Variants in TMCC1 observed in about 807,000 individuals in gnomAD.
The protein encoded by TMCC1 is transmembrane and coiled-coil domains protein 1.
Under a neutral mutation model 52.4 loss-of-function variants are expected in TMCC1, and 15 were observed. The observed-to-expected ratio is 0.29, with a 90% CI of 0.19 to 0.44. The LOEUF is 0.44. Among genes scored for constraint, TMCC1 ranks in the 20% least tolerant of loss-of-function variants. The probability of loss-of-function intolerance (pLI) is 1.00; values close to 1 mark genes in which losing one functional copy is unlikely to be tolerated. For synonymous variants in TMCC1, 279 were observed against 301.9 expected (o/e 0.92, Z 0.79); for missense variants, 503 against 806.0 (o/e 0.62, Z 4.55).
At chr3:129,815,228 G>C (rs1258873694) in intron 4 of TMCC1, among the ~76,000 whole-genome samples, 1 of 151,876 alleles carries the variant, frequency 6.6e-6, no homozygotes, top group East Asian at 1.9e-4. Flanking sequence ...CTAGAAATAA[G>C]TAACATTCAC....
At chr3:129,751,750 A>C (rs1320904117) in intron 4 of TMCC1, among the ~76,000 whole-genome samples, 1 of 152,024 alleles carries the variant, frequency 6.6e-6, no homozygotes. Context: ...TAGGAGACAC[A>C]GGGTTTCACC....
At chr3:129,668,465 C>A (rs1388603770) in intron 5 of TMCC1, among the ~76,000 whole-genome samples, 1 of 152,006 alleles carries the variant, frequency 6.6e-6, no homozygotes. Flanking sequence ...AGAAACTTGC[C>A]CAGGTTTTCA....
At chr3:129,739,437 G>A (rs929899813) in intron 4 of TMCC1, among the ~76,000 whole-genome samples, 6 of 152,176 alleles carry the variant, frequency 3.9e-5, no homozygotes, top group Non-Finnish European at 8.8e-5. Flanking sequence ...AAAGTGCTGA[G>A]ATTGCGTGAG....
chr3:129,654,100 A>G (rs758551751), intron 6 of TMCC1, among the ~76,000 whole-genome samples: 9 of 152,134 alleles, frequency 5.9e-5, no homozygotes, highest in African/African-American at 9.7e-5. Context: ...ATTAATTCCA[A>G]AGTATTCAAG....
At chr3:129,860,601 ATTAT>A (rs2107929829) in intron 2 of TMCC1, among the ~76,000 whole-genome samples, 1 of 151,294 alleles carries the variant, frequency 6.6e-6, no homozygotes, top group African/African-American at 2.4e-5. Context: ...CAAACACATT[ATTAT>A]TTTTTTTTTT....
intron 4 of TMCC1, among the ~76,000 whole-genome samples, chr3:129,776,807 T>C (rs936036181): frequency 1.3e-5 from 2 of 152,148 alleles, no homozygotes; most frequent in African/African-American, 4.8e-5. Flanking sequence ...TTTTTATTTA[T>C]ATTTTTTTGT....
intron 4 of TMCC1, among the ~76,000 whole-genome samples, chr3:129,824,769 G>T (rs2058585015): frequency 6.6e-6 from 1 of 152,162 alleles, no homozygotes; most frequent in Non-Finnish European, 1.5e-5. Context: ...TCTCTTCATA[G>T]TAGGTGTCAG....
chr3:129,820,068 C>A (rs2058341494), intron 4 of TMCC1, among the ~76,000 whole-genome samples: 1 of 148,498 alleles, frequency 6.7e-6, no homozygotes, highest in Admixed American at 6.8e-5. Context: ...TTAGATGAGC[C>A]TTCTCCTTGA....
chr3:129,772,556 A>C (rs2054677118), intron 4 of TMCC1, among the ~76,000 whole-genome samples: 1 of 151,578 alleles, frequency 6.6e-6, no homozygotes, highest in Admixed American at 6.6e-5. Flanking sequence ...TCTACTAAAA[A>C]AAAAAAATTC....
rs1002090649 is a variant in TMCC1, at chr3:129,880,289, T to G, written c.-184+20A>C. 1.3e-5 allele frequency: 2 copies of G among 152,152 alleles called. No homozygotes were observed. Among genetic ancestry groups the G allele is most frequent in the Non-Finnish European group, 2.9e-5 (2 of 68,024 alleles). 9.4% of individuals were successfully genotyped at this position (152,152 alleles called of 1,614,324 possible). A position where few individuals can be genotyped will look rare whatever the true frequency, so the allele number is the denominator to read the frequency against. On this transcript the variant is annotated intron_variant, in intron 2 of 6. Coordinates refer to ENST00000393238, the MANE Select transcript of TMCC1 (RefSeq NM_001017395.5). Reference sequence around the variant, plus strand: ...GTGCCTGGGTGATGTGATTTTGCAGTAGAAGAAAAAACGACATACCTCCTC... The same window carrying G: ...GTGCCTGGGTGATGTGATTTTGCAGGAGAAGAAAAAACGACATACCTCCTC...
intron 4 of TMCC1, among the ~76,000 whole-genome samples, chr3:129,798,546 A>G (rs2056993892): frequency 6.7e-6 from 1 of 150,154 alleles, no homozygotes; most frequent in East Asian, 1.9e-4. Context: ...AAAAAAAAAA[A>G]GGAAAGGAGA....
intron 4 of TMCC1, among the ~76,000 whole-genome samples, chr3:129,779,850 T>G (rs1341389470): frequency 6.6e-6 from 1 of 152,198 alleles, no homozygotes; most frequent in Non-Finnish European, 1.5e-5. Context: ...TGCTATACTC[T>G]TCAATCTTGA....
chr3:129,749,022 T>TA (rs779247366), intron 4 of TMCC1, among the ~76,000 whole-genome samples: 96 of 150,348 alleles, frequency 6.4e-4, no homozygotes, highest in Middle Eastern at 3.4e-3. Flanking sequence ...GAGACTCCGC[T>TA]AAAAAAAAAT....
At chr3:129,759,164 A>G (rs1189998442) in intron 4 of TMCC1, among the ~76,000 whole-genome samples, 2 of 152,130 alleles carry the variant, frequency 1.3e-5, no homozygotes, top group East Asian at 3.8e-4. Flanking sequence ...AAACCACCAG[A>G]TATCTCAAAG....
chr3:129,759,888 A>AT, intron 4 of TMCC1, among the ~76,000 whole-genome samples: 1 of 150,016 alleles, frequency 6.7e-6, no homozygotes, highest in African/African-American at 2.5e-5. Flanking sequence ...CGCCCGGCTA[A>AT]TTTTTTGTAT....
chr3:129,868,606 T>G (rs2060768247), intron 2 of TMCC1, among the ~76,000 whole-genome samples: 1 of 152,166 alleles, frequency 6.6e-6, no homozygotes, highest in Non-Finnish European at 1.5e-5. Flanking sequence ...GCCCAGCTAA[T>G]TTTTGTATTT....
intron 2 of TMCC1, among the ~76,000 whole-genome samples, chr3:129,846,508 A>C (rs1240366833): frequency 6.6e-6 from 1 of 152,120 alleles, no homozygotes; most frequent in African/African-American, 2.4e-5. Context: ...TCTTAAAGTT[A>C]TTTCTTTCTT....
chr3:129,871,945 G>T (rs1701053357), intron 2 of TMCC1, among the ~76,000 whole-genome samples: 1 of 152,164 alleles, frequency 6.6e-6, no homozygotes, highest in African/African-American at 2.4e-5. Context: ...AGACCAAAAT[G>T]TTTGATAACA....
At position 129,663,895 on chromosome 3, in the gene TMCC1, C is replaced by T. The variant is rs1276631305; in HGVS notation, c.1511+6435G>A. ...TATATGTTATCTCCTTTAATAACTT[C>T]AACAACCATGTACAATAAATATCAT... On this transcript the variant is annotated intron_variant, in intron 5 of 6. Coordinates refer to ENST00000393238, the MANE Select transcript of TMCC1 (RefSeq NM_001017395.5). 2.6e-5 allele frequency among the ~76,000 whole-genome samples: 4 copies of T among 152,108 alleles called. 1 individual carries two copies. The highest frequency in any genetic ancestry group is 2.6e-4 in the Admixed American group (4 of 15,272).
Sources: allele counts gnomAD v4.1 joint callset (sites outside exome capture counted in the v4.1 genomes callset), GRCh38; gene constraint gnomAD v4.1.1; transcripts MANE v1.5; gene names NCBI Gene and HGNC (gene_info 2026-07-23, HGNC 2026-07-21).